DNA2: variants seen among roughly 807,000 people sequenced by gnomAD.
The protein encoded by DNA2 is DNA replication ATP-dependent helicase/nuclease DNA2.
Under a neutral mutation model 119.1 loss-of-function variants are expected in DNA2, and 101 were observed. That is an observed-to-expected ratio of 0.85 (90% confidence interval 0.72 to 1.00). The LOEUF (loss-of-function observed/expected upper bound fraction) is 1.00, where lower values mean the gene tolerates loss of function less well. Among genes scored for constraint, DNA2 ranks in the 50% least tolerant of loss-of-function variants. The pLI is 0.00. For missense variants in DNA2, 1,121 were observed against 1,255.5 expected (o/e 0.89, Z 1.62); for synonymous variants, 366 against 424.4 (o/e 0.86, Z 1.69).
rs368117469 is a variant in DNA2 at position 68,465,761 on chromosome 10, C to A, written c.493G>T (p.Val165Leu). 63 of 1,607,132 alleles carry A rather than the reference C, an allele frequency of 3.9e-5. 1 individual carries two copies. In the African/African-American group the frequency reaches 7.9e-4, roughly 20 times the overall value. Residue 165 changes from valine to leucine, a missense_variant, in exon 4 of 21, where the codon GTG (valine) becomes TTG (leucine). By Grantham distance (32) the Val-to-Leu change is conservative. Coordinates refer to ENST00000358410, the MANE Select transcript of DNA2 (RefSeq NM_001080449.3). ...CTATTATTTATGGCTTTTTGAAACA[C>A]CTCATGGAGAACCGTACCAATTAGC... ...QMLIGTVLHE[V>L]FQKAINNSFA...
At position 68,416,777 on chromosome 10, in the gene DNA2, AC is replaced by A; in HGVS notation, c.3045del (p.Cys1016ValfsTer5). 1 of 1,613,906 alleles carries A rather than the reference AC, an allele frequency of 6.2e-7. No individual in the cohort carries two copies. The highest frequency in any genetic ancestry group is 2.2e-5 in the East Asian group (1 of 44,880). ...GGATAGCAATTTAGTGAGGGCACAC[AC>A]CCCAGAAGAATCAGTTTATGTTTGG... The part of the protein sequence containing the change: ...TRAKHKLILL[G>X]CVPSLNCYPP... On this transcript the variant is annotated frameshift_variant, in exon 20 of 21. Coordinates refer to ENST00000358410, the MANE Select transcript of DNA2 (RefSeq NM_001080449.3). LOFTEE classifies it high-confidence loss of function.
chr10:68,440,283 AC>A (rs755447264), intron 9 of DNA2, among the ~76,000 whole-genome samples: 1 of 152,076 alleles, frequency 6.6e-6, no homozygotes, highest in Non-Finnish European at 1.5e-5. Flanking sequence ...ACAGAGTAAG[AC>A]TTTTTTATTT....
chr10:68,428,004 G>T (rs945584778), intron 14 of DNA2, among the ~76,000 whole-genome samples: 3 of 150,634 alleles, frequency 2.0e-5, no homozygotes, highest in African/African-American at 7.3e-5. Flanking sequence ...CTGCACTCCA[G>T]CCTGGGCGCC....
intron 4 of DNA2, 135 bp downstream of exon 4, chr10:68,465,532 A>G: frequency 4.5e-6 from 3 of 671,600 alleles, no homozygotes; most frequent in Non-Finnish European, 2.2e-6. Flanking sequence ...AGTTCCAACA[A>G]TGTACTAGAA....
chr10:68,430,850 T>C (rs951888431), intron 13 of DNA2, among the ~76,000 whole-genome samples, 190 bp from the exon 14 acceptor site: 22 of 152,140 alleles, frequency 1.4e-4, no homozygotes, highest in Non-Finnish European at 4.4e-5. Context: ...TAATACATCA[T>C]AGGCCAGGCA....
At position 68,430,442 on chromosome 10, in the gene DNA2, A is replaced by G. The variant is rs2051804649; in HGVS notation, c.2202T>C (p.Asn734=). 13 of 1,592,772 alleles carry G rather than the reference A, an allele frequency of 8.2e-6. No homozygotes were observed. Among genetic ancestry groups the G allele is most frequent in the Admixed American group, 1.7e-5 (1 of 57,790 alleles). The change falls in exon 14 of 21, where the codon AAT becomes AAC. Residue 734 remains asparagine (N), a synonymous_variant. Transcript: ENST00000358410. Reference sequence around the variant, plus strand: ...ATACAATAATTGTGCTTACTTGACTATTGTAGAGTTCTTCTAGAAGAGCTA... The same window carrying G: ...ATACAATAATTGTGCTTACTTGACTGTTGTAGAGTTCTTCTAGAAGAGCTA... ...KSLALLEELY[N]SQLIVATTCM... is the part of the protein sequence containing the mutation.
intron 19 of DNA2, 148 bp from the exon 20 acceptor site, chr10:68,417,003 G>C: frequency 1.5e-6 from 1 of 659,614 alleles, no homozygotes; most frequent in East Asian, 2.8e-5. Context: ...CAGTACTTTG[G>C]GAGGCCGAGG....
chr10:68,449,443 G>A (rs2052088647), intron 6 of DNA2, among the ~76,000 whole-genome samples: 1 of 152,084 alleles, frequency 6.6e-6, no homozygotes, highest in African/African-American at 2.4e-5. Flanking sequence ...ATTCCCAAAT[G>A]TAAAGCTCTT....
intron 9 of DNA2, among the ~76,000 whole-genome samples, chr10:68,437,814 G>T (rs956200713): frequency 1.3e-5 from 2 of 151,960 alleles, no homozygotes; most frequent in Admixed American, 1.3e-4. Context: ...CTGTTCAAGC[G>T]ATTCTCATGC....
chr10:68,417,970 A>C (rs1426574541), intron 19 of DNA2, among the ~76,000 whole-genome samples: 4 of 152,218 alleles, frequency 2.6e-5, no homozygotes, highest in African/African-American at 9.6e-5. Context: ...CAGAGATAGA[A>C]TGTAGAATGG....
chr10:68,463,967 T>A (rs1011072871), intron 4 of DNA2, among the ~76,000 whole-genome samples: 1 of 151,986 alleles, frequency 6.6e-6, no homozygotes, highest in African/African-American at 2.4e-5. Flanking sequence ...CAACCACAGG[T>A]TGAAAGAGAA....
intron 10 of DNA2, among the ~76,000 whole-genome samples, chr10:68,434,537 A>T (rs1294013170): frequency 6.6e-6 from 1 of 152,074 alleles, no homozygotes; most frequent in East Asian, 1.9e-4. Flanking sequence ...CTGTGGTCCC[A>T]GCTATGCAAG....
At chr10:68,461,877 C>T (rs1307225448) in intron 4 of DNA2, among the ~76,000 whole-genome samples, 1 of 147,588 alleles carries the variant, frequency 6.8e-6, no homozygotes, top group Non-Finnish European at 1.5e-5. Context: ...TTGTTTGAGG[C>T]TACAGTGGGT....
At chr10:68,467,452 A>C (rs1049943202) in intron 3 of DNA2, among the ~76,000 whole-genome samples, 1 of 152,064 alleles carries the variant, frequency 6.6e-6, no homozygotes, top group Non-Finnish European at 1.5e-5. Flanking sequence ...TTAAAATAAA[A>C]CTGCATGTTT....
intron 20 of DNA2, 82 bp downstream of exon 20, chr10:68,416,627 G>A: frequency 7.1e-7 from 1 of 1,401,532 alleles, no homozygotes; most frequent in Non-Finnish European, 1.0e-6. Flanking sequence ...AAGCAACATA[G>A]TGAGAGCTTT....
In DNA2 at chr10:68,442,911, A is replaced by G; in HGVS notation, c.1415+6T>C. On this transcript the variant is annotated splice_donor_region_variant and intron_variant, in intron 9 of 20. Transcript: ENST00000358410. ...GAAATCTTACTGTACTAAATGGACC[A>G]CTTACATTTCCGAAGCAGGCATTAG... 1 of 1,606,228 alleles carries G rather than the reference A, an allele frequency of 6.2e-7. No homozygotes were observed.
chr10:68,461,099 T>C (rs1379634294), intron 4 of DNA2, among the ~76,000 whole-genome samples: 1 of 152,118 alleles, frequency 6.6e-6, no homozygotes, highest in Non-Finnish European at 1.5e-5. Context: ...AAGGGTCATA[T>C]GGACAGAAAG....
chr10:68,424,917 G>T, intron 14 of DNA2: 2 of 704,492 alleles, frequency 2.8e-6, no homozygotes, highest in South Asian at 2.9e-5. Context: ...AAAAATTATT[G>T]AACACAAAGC....
chr10:68,460,597 G>A (rs1029493160), intron 4 of DNA2, among the ~76,000 whole-genome samples: 4 of 147,230 alleles, frequency 2.7e-5, no homozygotes, highest in Non-Finnish European at 4.5e-5. Flanking sequence ...TAGTAAAGAC[G>A]GGGTTTCACC....
Sources: gnomAD v4.1 joint callset for allele counts (sites outside exome capture counted in the v4.1 genomes callset) on GRCh38, gnomAD v4.1.1 for gene constraint, MANE v1.5 for transcripts, NCBI Gene and HGNC (gene_info 2026-07-23, HGNC 2026-07-21) for gene names.